The following PTPRD variants were observed in gnomAD, a reference collection of about 807,000 sequenced individuals.
PTPRD encodes protein tyrosine phosphatase receptor type D, also known as receptor-type tyrosine-protein phosphatase delta.
Under a neutral mutation model 214.5 loss-of-function variants are expected in PTPRD, and 34 were observed. The ratio of observed to expected loss-of-function variants is 0.16; its 90% CI spans 0.12 to 0.21. PTPRD has a LOEUF of 0.21. Ranked by LOEUF, PTPRD falls within the 10% of genes least tolerant of loss-of-function variation. The pLI, the probability that PTPRD is intolerant of heterozygous loss-of-function variation, is 1.00. For missense variants in PTPRD, 2,545 were observed against 2,398.7 expected, an observed-to-expected ratio of 1.06 and a Z score of -1.27; for synonymous variants, 1,128 against 845.7, an observed-to-expected ratio of 1.33 and a Z score of -5.79.
At chr9:10,099,843 C>T (rs921717747) in intron 3 of PTPRD, among the ~76,000 whole-genome samples, 4 of 151,486 alleles carry the variant, frequency 2.6e-5, no homozygotes, top group Non-Finnish European at 5.9e-5. Flanking sequence ...AAAAAAGATT[C>T]GGAGACATTT....
intron 11 of PTPRD, among the ~76,000 whole-genome samples, chr9:8,835,303 T>C (rs940459546): frequency 6.6e-6 from 1 of 152,218 alleles, no homozygotes; most frequent in Non-Finnish European, 1.5e-5. Flanking sequence ...TCTAGAATGG[T>C]AGTCTCTACA....
intron 5 of PTPRD, among the ~76,000 whole-genome samples, chr9:9,860,227 T>C (rs1054120079): frequency 6.6e-6 from 1 of 152,226 alleles, no homozygotes; most frequent in Non-Finnish European, 1.5e-5. Context: ...TATTTTTTAC[T>C]GTGGAGTCAC....
At chr9:10,394,147 T>A (rs1489289576) in intron 2 of PTPRD, among the ~76,000 whole-genome samples, 53 of 145,856 alleles carry the variant, frequency 3.6e-4, no homozygotes, top group Non-Finnish European at 1.4e-4. Flanking sequence ...TATAAAGATA[T>A]CTATATATAT....
At chr9:10,445,409 G>T (rs377182644) in intron 2 of PTPRD, among the ~76,000 whole-genome samples, 1 of 151,778 alleles carries the variant, frequency 6.6e-6, no homozygotes, top group Non-Finnish European at 1.5e-5. Context: ...TCTGCAATAG[G>T]AGCAATGAAG....
chr9:9,379,527 T>C (rs1254947370), intron 9 of PTPRD, among the ~76,000 whole-genome samples: 2 of 151,990 alleles, frequency 1.3e-5, no homozygotes, highest in African/African-American at 4.8e-5. Context: ...CTGGATATTA[T>C]TTCTCTTTAT....
At chr9:8,677,933 T>C (rs1400301432) in intron 12 of PTPRD, among the ~76,000 whole-genome samples, 4 of 152,086 alleles carry the variant, frequency 2.6e-5, no homozygotes, top group Non-Finnish European at 4.4e-5. Context: ...TCTTGGTGCC[T>C]TTTGTATCTC....
intron 5 of PTPRD, among the ~76,000 whole-genome samples, chr9:9,926,238 C>T (rs1484609144): frequency 4.6e-5 from 7 of 152,100 alleles, no homozygotes. Context: ...GCAAAAGAAA[C>T]ATTAATATTT....
At chr9:10,216,875 A>G (rs2099543869) in intron 3 of PTPRD, among the ~76,000 whole-genome samples, 1 of 151,976 alleles carries the variant, frequency 6.6e-6, no homozygotes, top group Non-Finnish European at 1.5e-5. Flanking sequence ...AGTCTTTCAT[A>G]TATTCAATTT....
At chr9:8,973,417 A>T (rs1490157850) in intron 11 of PTPRD, among the ~76,000 whole-genome samples, 1 of 152,068 alleles carries the variant, frequency 6.6e-6, no homozygotes, top group East Asian at 1.9e-4. Context: ...ATGGCTGCGT[A>T]GTATTCCACA....
chr9:9,963,453 T>A (rs1167791851), intron 4 of PTPRD, among the ~76,000 whole-genome samples: 1 of 152,156 alleles, frequency 6.6e-6, no homozygotes, highest in East Asian at 1.9e-4. Flanking sequence ...TTCTACCCAA[T>A]TTTCTATGTT....
rs564914573 is a variant in PTPRD, at chr9:8,970,311, G to C, written c.-104+48386C>G. On this transcript the variant is annotated intron_variant, in intron 11 of 45. Transcript: ENST00000381196. Reference sequence around the variant, plus strand: ...AACACTATGACAGCCCTACACAGTAGAGCTGAAAATAGCATCTTTTCAAAA... The same window carrying C: ...AACACTATGACAGCCCTACACAGTACAGCTGAAAATAGCATCTTTTCAAAA... Among the ~76,000 whole-genome samples, 98 of 151,934 alleles carry C rather than the reference G, an allele frequency of 6.5e-4. 1 individual carries two copies. Among genetic ancestry groups the C allele is most frequent in the African/African-American group, 2.3e-3 (97 of 41,530 alleles).
intron 11 of PTPRD, chr9:8,861,143 C>G (rs998156881): frequency 6.6e-6 from 1 of 152,144 alleles, no homozygotes; most frequent in Non-Finnish European, 1.5e-5. Context: ...TGGACCCCAT[C>G]CAAAGGAGTT....
intron 3 of PTPRD, among the ~76,000 whole-genome samples, chr9:10,274,899 G>C (rs1013290454): frequency 6.6e-6 from 1 of 152,140 alleles, no homozygotes; most frequent in East Asian, 1.9e-4. Context: ...CGGTGGAATA[G>C]ATGGTATGGG....
At chr9:9,099,024 T>C (rs901982685) in intron 10 of PTPRD, among the ~76,000 whole-genome samples, 3 of 152,190 alleles carry the variant, frequency 2.0e-5, no homozygotes, top group African/African-American at 7.2e-5. Context: ...GGGTAATTCT[T>C]GGAAACACAA....
At chr9:9,549,701 T>G (rs779957330) in intron 8 of PTPRD, among the ~76,000 whole-genome samples, 1 of 152,120 alleles carries the variant, frequency 6.6e-6, no homozygotes, top group Non-Finnish European at 1.5e-5. Flanking sequence ...GGAAAAATGA[T>G]TCAACAAATG....
chr9:10,220,051 G>A (rs1242457278), intron 3 of PTPRD, among the ~76,000 whole-genome samples: 9 of 151,676 alleles, frequency 5.9e-5, no homozygotes, highest in Admixed American at 5.9e-4. Context: ...ATAACTGGTT[G>A]GAAAATAATT....
chr9:9,561,410 A>C (rs2154292596), intron 8 of PTPRD, among the ~76,000 whole-genome samples: 1 of 152,328 alleles, frequency 6.6e-6, no homozygotes, highest in East Asian at 1.9e-4. Context: ...ACTGTGCCTC[A>C]CGTATTGGTC....
intron 3 of PTPRD, among the ~76,000 whole-genome samples, chr9:10,216,260 C>T (rs1006669584): frequency 1.3e-5 from 2 of 151,866 alleles, no homozygotes; most frequent in South Asian, 2.1e-4. Flanking sequence ...CCTCCCTGGC[C>T]TCACTGCAGT....
At chr9:10,462,549 T>C (rs1370020533) in intron 2 of PTPRD, among the ~76,000 whole-genome samples, 15 of 151,740 alleles carry the variant, frequency 9.9e-5, no homozygotes, top group Admixed American at 9.8e-4. Context: ...ATGTAAGATA[T>C]AACCAGGACA....
Sources: allele counts gnomAD v4.1 joint callset (sites outside exome capture counted in the v4.1 genomes callset), GRCh38; gene constraint gnomAD v4.1.1; transcripts MANE v1.5; gene names NCBI Gene and HGNC (gene_info 2026-07-23, HGNC 2026-07-21).